PHACTR4: variants seen among roughly 807,000 people sequenced by gnomAD.
The protein encoded by PHACTR4 is protein phosphatase 1, regulatory subunit 124.
In PHACTR4, 51 loss-of-function variants were observed where a neutral mutation model predicts 72.7. The ratio of observed to expected loss-of-function variants is 0.70; its 90% confidence interval spans 0.56 to 0.89. The LOEUF (loss-of-function observed/expected upper bound fraction) is 0.89, where lower values mean the gene tolerates loss of function less well. Ranked by LOEUF, PHACTR4 falls within the 40% of genes least tolerant of loss-of-function variation. The pLI is 0.00. For synonymous variants in PHACTR4, 255 were observed against 302.5 expected (o/e 0.84, Z 1.63); for missense variants, 731 against 861.8 (o/e 0.85, Z 1.90).
At chr1:28,398,970 G>A (rs373947591) in intron 1 of PHACTR4, among the ~76,000 whole-genome samples, 29 of 152,184 alleles carry the variant, frequency 1.9e-4, no homozygotes, top group African/African-American at 2.6e-4. Context: ...AAGGTATTCC[G>A]GAAGACACGT....
rs1223295576 is a variant in PHACTR4, at chr1:28,440,394, C to CTTTTTTTTTTTTT, written c.17-18684_17-18672dup. On this transcript the variant is annotated intron_variant, in intron 2 of 13. Transcript: ENST00000373839. ...AAAGTAAGAATCAAATTCATCAATT[C>CTTTTTTTTTTTTT]TTTTTTTTTTTTTTTTTTTGAGACG... Among the ~76,000 whole-genome samples, 29 of 83,236 alleles carry CTTTTTTTTTTTTT rather than the reference C, an allele frequency of 3.5e-4. 4 individuals carry two copies. Among genetic ancestry groups the CTTTTTTTTTTTTT allele is most frequent in the Non-Finnish European group, 4.9e-4 (22 of 44,686 alleles). 54.6% of individuals were successfully genotyped at this position (83,236 alleles called of 152,430 possible).
At chr1:28,476,447 G>T (rs927622989) in intron 8 of PHACTR4, among the ~76,000 whole-genome samples, 156 bp downstream of exon 8, 3 of 151,822 alleles carry the variant, frequency 2.0e-5, no homozygotes, top group Non-Finnish European at 4.4e-5. Context: ...AGGACTCCTT[G>T]TCCCTATTAT....
chr1:28,427,279 A>G (rs1351801732), intron 2 of PHACTR4, among the ~76,000 whole-genome samples: 1 of 152,172 alleles, frequency 6.6e-6, no homozygotes. Flanking sequence ...TAATCCCAGC[A>G]CTTCGGGAGG....
At chr1:28,389,726 C>T (rs942781610) in intron 1 of PHACTR4, among the ~76,000 whole-genome samples, 11 of 152,114 alleles carry the variant, frequency 7.2e-5, no homozygotes, top group Admixed American at 3.9e-4. Flanking sequence ...TCGCCTGCCT[C>T]GGCCCCCCAC....
intron 1 of PHACTR4, among the ~76,000 whole-genome samples, chr1:28,389,042 C>T (rs1476046263): frequency 1.3e-5 from 2 of 151,886 alleles, no homozygotes; most frequent in Non-Finnish European, 1.5e-5. Flanking sequence ...CAAAAGCTTC[C>T]GCACAGCAAG....
chr1:28,386,417 G>A (rs573732454), intron 1 of PHACTR4, among the ~76,000 whole-genome samples: 2 of 152,142 alleles, frequency 1.3e-5, no homozygotes, highest in African/African-American at 4.8e-5. Flanking sequence ...TTGGATGGAG[G>A]GTTCTGTAGG....
At chr1:28,478,095 T>C (rs1363472892) in intron 8 of PHACTR4, among the ~76,000 whole-genome samples, 1 of 152,162 alleles carries the variant, frequency 6.6e-6, no homozygotes, top group Non-Finnish European at 1.5e-5. Flanking sequence ...ATTTTATTTA[T>C]TACCTCCATG....
chr1:28,471,933 C>G (rs569103334), intron 6 of PHACTR4, among the ~76,000 whole-genome samples: 13 of 151,986 alleles, frequency 8.6e-5, no homozygotes, highest in African/African-American at 2.9e-4. Flanking sequence ...GACAGTAGGC[C>G]GGGCGCGGTG....
At chr1:28,410,897 A>T (rs1557795804) in intron 2 of PHACTR4, among the ~76,000 whole-genome samples, 1 of 150,496 alleles carries the variant, frequency 6.6e-6, no homozygotes, top group African/African-American at 2.5e-5. Flanking sequence ...AGTAGAGATG[A>T]GGTTTCACCA....
chr1:28,475,999 A>G (rs1659893265), intron 7 of PHACTR4, 108 bp from the exon 8 acceptor site: 1 of 1,080,536 alleles, frequency 9.3e-7, no homozygotes, highest in Admixed American at 3.1e-5. Flanking sequence ...AAGTGCTGGG[A>G]TTACAGCCAT....
At chr1:28,385,833 T>G (rs766551682) in intron 1 of PHACTR4, among the ~76,000 whole-genome samples, 4 of 151,808 alleles carry the variant, frequency 2.6e-5, no homozygotes, top group Non-Finnish European at 5.9e-5. Flanking sequence ...CAGGCCGATC[T>G]TGAGCTCCTG....
chr1:28,396,723 A>G (rs1162163535), intron 1 of PHACTR4, among the ~76,000 whole-genome samples: 3 of 150,032 alleles, frequency 2.0e-5, no homozygotes, highest in Admixed American at 6.6e-5. Context: ...CAATGGCGCA[A>G]TCTCGGCTCA....
chr1:28,442,869 T>A (rs1440714458), intron 2 of PHACTR4, among the ~76,000 whole-genome samples: 2 of 152,194 alleles, frequency 1.3e-5, no homozygotes, highest in African/African-American at 2.4e-5. Flanking sequence ...TATTTCCATA[T>A]GTATGATGTG....
chr1:28,407,486 T>A (rs777298036), intron 2 of PHACTR4, 23 bp downstream of exon 2: 6 of 1,595,220 alleles, frequency 3.8e-6, no homozygotes, highest in Non-Finnish European at 5.1e-6. Context: ...TACATTGTTC[T>A]TAGTAAATGA....
intron 2 of PHACTR4, among the ~76,000 whole-genome samples, chr1:28,416,511 T>C (rs1024447740): frequency 6.6e-6 from 1 of 152,208 alleles, no homozygotes; most frequent in Non-Finnish European, 1.5e-5. Context: ...TTTCTGTCAG[T>C]AGAAAAAGAT....
Position 28,493,068 on chromosome 1 carries a change from T to C in PHACTR4, c.2070T>C (p.His690=), listed in dbSNP as rs1661134440. ...TTAAAAGCTCCGAGATGGAGGTTCA[T>C]GAAGAGAGCAAACATTTTACACGGT... ...NEFKSSEMEV[H]EESKHFTRYH... is the part of the protein sequence containing the mutation. The change falls in exon 13 of 14, where the codon CAT becomes CAC. Residue 690 remains histidine, a synonymous_variant. Coordinates refer to ENST00000373839, the MANE Select transcript of PHACTR4 (RefSeq NM_001048183.3). 3 of 1,613,350 alleles carry C rather than the reference T, an allele frequency of 1.9e-6. No homozygotes were observed. Among genetic ancestry groups the C allele is most frequent in the Non-Finnish European group, 2.5e-6 (3 of 1,179,284 alleles).
At chr1:28,475,485 C>T (rs928891248) in intron 7 of PHACTR4, among the ~76,000 whole-genome samples, 1 of 152,150 alleles carries the variant, frequency 6.6e-6, no homozygotes, top group African/African-American at 2.4e-5. Flanking sequence ...CTGAAGCCTT[C>T]TGCTCTTTAG....
chr1:28,377,348 C>T (rs892449473), intron 1 of PHACTR4, among the ~76,000 whole-genome samples: 2 of 151,514 alleles, frequency 1.3e-5, no homozygotes, highest in Non-Finnish European at 1.5e-5. Flanking sequence ...AAGTGATTCT[C>T]CTGCCTCAGC....
chr1:28,432,208 CA>C (rs757327844), intron 2 of PHACTR4, among the ~76,000 whole-genome samples: 9 of 143,644 alleles, frequency 6.3e-5, no homozygotes, highest in East Asian at 2.1e-4. Flanking sequence ...GACTCTGTAT[CA>C]AAAAAAAAAG....
Sources: allele counts gnomAD v4.1 joint callset (sites outside exome capture counted in the v4.1 genomes callset), GRCh38; gene constraint gnomAD v4.1.1; transcripts MANE v1.5; gene names NCBI Gene and HGNC (gene_info 2026-07-23, HGNC 2026-07-21).